The following ARMC8 variants were observed in gnomAD, a reference collection of about 807,000 sequenced individuals.
ARMC8 encodes armadillo repeat containing 8.
A neutral mutation model predicts 99.3 loss-of-function variants in ARMC8; 20 were observed. That is an observed-to-expected ratio of 0.20 (90% CI 0.14 to 0.29). ARMC8 has a LOEUF of 0.29. ARMC8 is among the 10% of genes least tolerant of loss of function. The pLI, the probability that ARMC8 is intolerant of heterozygous loss-of-function variation, is 1.00. For missense variants in ARMC8, 569 were observed against 809.5 expected (o/e 0.70, Z 3.60); for synonymous variants, 263 against 278.3 (o/e 0.95, Z 0.55).
intron 18 of ARMC8, among the ~76,000 whole-genome samples, chr3:138,282,390 G>A (rs2050017266): frequency 6.6e-6 from 1 of 152,210 alleles, no homozygotes; most frequent in Admixed American, 6.5e-5. Flanking sequence ...GCTCATGCCT[G>A]TAATCCCAGC....
chr3:138,267,369 CA>C lies in ARMC8; in HGVS notation c.1386+129del, dbSNP rs2048373001. 6 of 563,492 alleles carry C rather than the reference CA, an allele frequency of 1.1e-5. No homozygotes were observed. The South Asian group carries it at 1.5e-4, about 14-fold the overall frequency. 34.9% of individuals were successfully genotyped at this position (563,492 alleles called of 1,614,324 possible). The stretch of plus-strand genomic sequence containing the variant: ...AAACTACTTCGGAATTGTTTGATTG[CA>C]TAGCGGTAGGGGTGTGCAAATAAAT... On this transcript the variant is annotated intron_variant, in intron 15 of 21. Transcript: ENST00000469044.
intron 5 of ARMC8, 50 bp from the exon 6 acceptor site, chr3:138,228,868 A>G: frequency 9.1e-7 from 1 of 1,095,556 alleles, no homozygotes; most frequent in Non-Finnish European, 1.4e-6. Flanking sequence ...TATTTTATCA[A>G]ATGTACTCAT....
chr3:138,250,120 G>A (rs1337295436), intron 12 of ARMC8, among the ~76,000 whole-genome samples: 3 of 151,956 alleles, frequency 2.0e-5, no homozygotes, highest in Non-Finnish European at 4.4e-5. Flanking sequence ...ATTTTTTTTT[G>A]AGAAGTGTAG....
intron 6 of ARMC8, among the ~76,000 whole-genome samples, chr3:138,229,583 A>G (rs887057460): frequency 6.6e-6 from 1 of 152,136 alleles, no homozygotes; most frequent in East Asian, 1.9e-4. Context: ...ATGTGTGATC[A>G]TGACTGTTTC....
At position 138,236,230 on chromosome 3, in the gene ARMC8, CT is replaced by C. The variant is rs1372394790; in HGVS notation, c.610-1077del. Among the ~76,000 whole-genome samples the C allele has an allele frequency of 3.3e-5, 5 of 152,290 alleles. No homozygotes were observed. In the East Asian group the frequency reaches 9.6e-4, roughly 29 times the overall value. On this transcript the variant is annotated intron_variant, in intron 7 of 21. Coordinates refer to ENST00000469044, the MANE Select transcript of ARMC8 (RefSeq NM_001363941.2). ...GGATAGGAATGGAGAGTGGAACTAA[CT>C]TCAAACTAGCCAGAGGCAGGGGAAA...
chr3:138,267,733 T>C (rs1322460856), intron 15 of ARMC8, among the ~76,000 whole-genome samples: 1 of 152,178 alleles, frequency 6.6e-6, no homozygotes, highest in African/African-American at 2.4e-5. Context: ...TATTTGAGTA[T>C]GTATTCTTTT....
At chr3:138,255,202 TTTTG>T (rs2047324344) in intron 12 of ARMC8, among the ~76,000 whole-genome samples, 2 of 147,898 alleles carry the variant, frequency 1.4e-5, no homozygotes, top group Non-Finnish European at 3.0e-5. Context: ...TTTTTTTTTT[TTTTG>T]TTTTTTTTTT....
At chr3:138,197,888 G>A (rs1341339212) in intron 1 of ARMC8, among the ~76,000 whole-genome samples, 1 of 152,206 alleles carries the variant, frequency 6.6e-6, no homozygotes, top group Admixed American at 6.5e-5. Flanking sequence ...AGCTCTTTAT[G>A]ATTTATACCA....
intron 12 of ARMC8, among the ~76,000 whole-genome samples, chr3:138,251,152 G>GT: frequency 6.6e-6 from 1 of 151,550 alleles, no homozygotes; most frequent in African/African-American, 2.4e-5. Context: ...AGGTGACAGA[G>GT]TGAAACCCTG....
chr3:138,206,875 A>T (rs181116795), intron 1 of ARMC8, among the ~76,000 whole-genome samples: 101 of 152,324 alleles, frequency 6.6e-4, no homozygotes, highest in South Asian at 2.3e-3. Flanking sequence ...ATTTTTGCGT[A>T]TACATAACAA....
Position 138,207,065 on chromosome 3 carries a change from A to T in ARMC8, c.46-2752A>T, listed in dbSNP as rs186352151. 1.2e-4 allele frequency among the ~76,000 whole-genome samples: 19 copies of T among 152,252 alleles called. 1 individual carries two copies. Among genetic ancestry groups the T allele is most frequent in the Admixed American group, 1.1e-3 (17 of 15,286 alleles). On this transcript the variant is annotated intron_variant, in intron 1 of 21. Transcript: ENST00000469044. Reference sequence around the variant, plus strand: ...TGCCTCTCTATCCTCTGTTCTTTTCAGTGCCAGCAACTAGTATACTTGCTG... The same window carrying T: ...TGCCTCTCTATCCTCTGTTCTTTTCTGTGCCAGCAACTAGTATACTTGCTG...
intron 2 of ARMC8, among the ~76,000 whole-genome samples, chr3:138,212,617 T>C (rs553956119): frequency 6.6e-6 from 1 of 152,298 alleles, no homozygotes; most frequent in South Asian, 2.1e-4. Context: ...TAAGTAATCT[T>C]GTTTAATACA....
intron 2 of ARMC8, among the ~76,000 whole-genome samples, chr3:138,211,464 T>C (rs2044693521): frequency 6.6e-6 from 1 of 152,196 alleles, no homozygotes; most frequent in Admixed American, 6.5e-5. Context: ...CAAAGAACAC[T>C]AGTTTCTCAA....
Position 138,267,202 on chromosome 3 carries a change from G to A in ARMC8, c.1347G>A (p.Met449Ile). Residue 449 changes from methionine to isoleucine, a missense_variant, in exon 15 of 22, where the codon ATG (methionine) becomes ATA (isoleucine). Met to Ile is a conservative substitution (Grantham distance 10). This residue lies in a region of ARMC8 where 227 missense variants were observed against 417.9 expected (regional missense o/e 0.54). Coordinates refer to ENST00000469044, the MANE Select transcript of ARMC8 (RefSeq NM_001363941.2). Reference sequence around the variant, plus strand: ...AAATCCTAGTGGTAGCATCTTCCATGCTGTGTAATCTTCTTCTTGAATTTT... The same window carrying A: ...AAATCCTAGTGGTAGCATCTTCCATACTGTGTAATCTTCTTCTTGAATTTT... ...PDEILVVASSMLCNLLLEFSP... is the reference protein window; with the variant it reads ...PDEILVVASSILCNLLLEFSP... 1 of 1,582,182 alleles carries A rather than the reference G, an allele frequency of 6.3e-7. No individual in the cohort carries two copies. The highest frequency in any genetic ancestry group is 8.6e-7 in the Non-Finnish European group (1 of 1,163,248).
chr3:138,224,335 A>T (rs1228881165), intron 5 of ARMC8, among the ~76,000 whole-genome samples: 1 of 152,194 alleles, frequency 6.6e-6, no homozygotes, highest in Non-Finnish European at 1.5e-5. Context: ...GTCCTAGCTC[A>T]TGAGACTGCA....
intron 18 of ARMC8, among the ~76,000 whole-genome samples, chr3:138,277,054 A>G (rs566032423): frequency 6.6e-6 from 1 of 152,320 alleles, no homozygotes; most frequent in African/African-American, 2.4e-5. Flanking sequence ...TGAAGACAGT[A>G]TGGTCTTAGC....
At chr3:138,204,493 C>G (rs1488642721) in intron 1 of ARMC8, among the ~76,000 whole-genome samples, 1 of 152,146 alleles carries the variant, frequency 6.6e-6, no homozygotes, top group Non-Finnish European at 1.5e-5. Context: ...TTCTTTACTC[C>G]CCTTTACAGT....
chr3:138,199,673 C>T (rs899520888), intron 1 of ARMC8, among the ~76,000 whole-genome samples: 6 of 152,094 alleles, frequency 3.9e-5, no homozygotes, highest in South Asian at 2.1e-4. Flanking sequence ...ACAACCAGAA[C>T]GAAGGGGAAG....
Position 138,228,966 on chromosome 3 carries a change from T to C in ARMC8, c.484T>C (p.Tyr162His). ...CATGGCACTGCTTAGCAGGTCCCGC[T>C]ATACCCAGGAGTACATCTGTCAGAT... ...HLMALLSRSRYTQEYICQIFS... is the reference protein window; with the variant it reads ...HLMALLSRSRHTQEYICQIFS... Residue 162 changes from tyrosine (Y) to histidine (H), a missense_variant, in exon 6 of 22, where the codon TAT (tyrosine) becomes CAT (histidine). Coordinates refer to ENST00000469044, the MANE Select transcript of ARMC8 (RefSeq NM_001363941.2). 1 of 1,610,172 alleles carries C rather than the reference T, an allele frequency of 6.2e-7. No homozygotes were observed. The highest frequency in any genetic ancestry group is 8.5e-7 in the Non-Finnish European group (1 of 1,177,844).
Sources: gnomAD v4.1 joint callset for allele counts (sites outside exome capture counted in the v4.1 genomes callset) on GRCh38, gnomAD v4.1.1 for gene constraint, gnomAD v4.1.1 regional missense constraint, MANE v1.5 for transcripts, NCBI Gene and HGNC (gene_info 2026-07-23, HGNC 2026-07-21) for gene names.